Variants in DRICH1 observed in about 807,000 individuals in gnomAD.
The protein encoded by DRICH1 is aspartate rich 1, also known as aspartate-rich protein 1.
A neutral mutation model predicts 39.5 loss-of-function variants in DRICH1; 38 were observed. That is an observed-to-expected ratio of 0.96 (90% CI 0.74 to 1.26). DRICH1 has a LOEUF of 1.26. Among genes scored for constraint, DRICH1 ranks in the 50% most tolerant of loss-of-function variants. The pLI, the probability that DRICH1 is intolerant of heterozygous loss-of-function variation, is 0.00. For synonymous variants in DRICH1, 84 were observed against 99.5 expected, an observed-to-expected ratio of 0.84 and a Z score of 0.93; for missense variants, 279 against 270.4, an observed-to-expected ratio of 1.03 and a Z score of -0.22.
downstream of DRICH1, among the ~76,000 whole-genome samples, chr22:23,606,062 T>A (rs866393690): frequency 3.5e-4 from 51 of 147,712 alleles, no homozygotes; most frequent in East Asian, 7.9e-4. Flanking sequence ...AAAAAAAAAA[T>A]TTTTTTTTTT....
At chr22:23,608,149 C>G (rs560110524), downstream of DRICH1, 47 of 153,852 alleles carry the variant, frequency 3.1e-4, no homozygotes, top group South Asian at 8.4e-3. Context: ...GGTGGCCTGC[C>G]GAGAAGTAGG....
intron 1 of DRICH1, among the ~76,000 whole-genome samples, chr22:23,630,155 G>A (rs1928306132): frequency 6.6e-6 from 1 of 152,136 alleles, no homozygotes; most frequent in South Asian, 2.1e-4. Flanking sequence ...ATTGTTCCGT[G>A]TACCTTTTGC....
chr22:23,581,816 G>A, the DRICH1 span, among the ~76,000 whole-genome samples: 69 of 151,964 alleles, frequency 4.5e-4, no homozygotes, highest in African/African-American at 1.6e-3. Flanking sequence ...ATGTTGGCCA[G>A]GCTGGTCTCG....
chr22:23,621,414 C>T (rs899595755), intron 4 of DRICH1, among the ~76,000 whole-genome samples: 6 of 150,940 alleles, frequency 4.0e-5, no homozygotes, highest in African/African-American at 1.5e-4. Flanking sequence ...TGCAGTAAGA[C>T]AACCATAAAA....
downstream of DRICH1, among the ~76,000 whole-genome samples, chr22:23,604,026 C>A (rs1926604814): frequency 6.6e-6 from 1 of 152,160 alleles, no homozygotes; most frequent in Non-Finnish European, 1.5e-5. Context: ...TCCTGTTCCC[C>A]CTTCTCCTGA....
the DRICH1 span, among the ~76,000 whole-genome samples, chr22:23,603,265 C>T: frequency 6.6e-6 from 1 of 151,968 alleles, no homozygotes; most frequent in Non-Finnish European, 1.5e-5. Flanking sequence ...CCTCGGGCAG[C>T]CCCCGAGAAT....
chr22:23,626,393 A>C (rs1928067538), intron 1 of DRICH1, among the ~76,000 whole-genome samples: 2 of 152,228 alleles, frequency 1.3e-5, no homozygotes. Context: ...CAAACACAGC[A>C]CACAAAGCCC....
the DRICH1 span, among the ~76,000 whole-genome samples, chr22:23,592,876 AC>A: frequency 4.4e-3 from 634 of 144,968 alleles, 7 homozygotes; most frequent in African/African-American, 0.014. Flanking sequence ...ACACACACAC[AC>A]ACAAAATTAG....
chr22:23,603,342 T>C, the DRICH1 span, among the ~76,000 whole-genome samples: 9 of 150,852 alleles, frequency 6.0e-5, no homozygotes, highest in Non-Finnish European at 8.8e-5. Flanking sequence ...CACAGCAATC[T>C]GGGCCCCTGG....
At chr22:23,609,811 C>T (rs1926938124) in intron 11 of DRICH1, among the ~76,000 whole-genome samples, 1 of 152,202 alleles carries the variant, frequency 6.6e-6, no homozygotes, top group Non-Finnish European at 1.5e-5. Flanking sequence ...GCCATGAATA[C>T]TCCTTTTCTG....
At chr22:23,605,650 CT>C (rs372214176), downstream of DRICH1, among the ~76,000 whole-genome samples, 194 of 151,264 alleles carry the variant, frequency 1.3e-3, 5 homozygotes, top group South Asian at 0.04. Context: ...ATTCCCACCC[CT>C]GCCTCCATTC....
At chr22:23,623,965 TG>T in intron 3 of DRICH1, 1 of 611,506 alleles carries the variant, frequency 1.6e-6, no homozygotes, top group Non-Finnish European at 1.9e-6. Context: ...TGCTCAAGGT[TG>T]TGCTTCTCTC....
rs1424382696 is a variant in DRICH1 at position 23,614,001 on chromosome 22, T to C, written c.621+134A>G. ...AAGTTGGGAAGACACTCCTATGGAATTCCAGCCCCACAAAGAGAATAGTGT... is the reference window on the plus strand; with the variant it reads ...AAGTTGGGAAGACACTCCTATGGAACTCCAGCCCCACAAAGAGAATAGTGT... On this transcript the variant is annotated intron_variant, in intron 9 of 11. Transcript: ENST00000317749. 6.0e-6 allele frequency: 4 copies of C among 671,566 alleles called. No individual in the cohort carries two copies. In the East Asian group the frequency reaches 8.1e-5, roughly 14 times the overall value. 41.6% of individuals were successfully genotyped at this position (671,566 alleles called of 1,614,324 possible).
downstream of DRICH1, chr22:23,608,115 C>A (rs1261187926): frequency 6.5e-6 from 1 of 153,256 alleles, no homozygotes; most frequent in Non-Finnish European, 1.5e-5. Context: ...AGAGGCCCCC[C>A]CAGGCTGTTA....
the DRICH1 span, among the ~76,000 whole-genome samples, chr22:23,582,560 T>TATTATTA: frequency 1.3e-3 from 193 of 145,990 alleles, 1 homozygote; most frequent in African/African-American, 2.9e-3. Flanking sequence ...AGGGGCTTAT[T>TATTATTA]ATTATTATTA....
the DRICH1 span, among the ~76,000 whole-genome samples, chr22:23,599,586 G>C: frequency 6.6e-6 from 1 of 152,170 alleles, no homozygotes. Flanking sequence ...GATCCCTCAG[G>C]GTGCTTTTAT....
intron 8 of DRICH1, among the ~76,000 whole-genome samples, chr22:23,614,923 C>T (rs1927263753): frequency 6.6e-6 from 1 of 152,118 alleles, no homozygotes; most frequent in East Asian, 1.9e-4. Flanking sequence ...AGCTGAGAGA[C>T]GTGACTCTGA....
intron 6 of DRICH1, among the ~76,000 whole-genome samples, chr22:23,618,668 G>A (rs1927524438): frequency 6.6e-6 from 1 of 152,118 alleles, no homozygotes; most frequent in East Asian, 1.9e-4. Flanking sequence ...GTGAAGCTGA[G>A]AGAGGTGACT....
chr22:23,614,129 T>A lies in DRICH1; in HGVS notation c.621+6A>T, dbSNP rs777829816. Reference sequence around the variant, plus strand: ...GCTGTAGAAGACAAAAAAAGGGAGGTCTTACGTGGATGTCATCATCATCTT... The same window carrying A: ...GCTGTAGAAGACAAAAAAAGGGAGGACTTACGTGGATGTCATCATCATCTT... On this transcript the variant is annotated splice_donor_region_variant and intron_variant, in intron 9 of 11. Coordinates refer to ENST00000317749, the MANE Select transcript of DRICH1 (RefSeq NM_016449.4). The A allele has an allele frequency of 5.6e-6, 9 of 1,597,508 alleles. No homozygotes were observed. Among genetic ancestry groups the A allele is most frequent in the Non-Finnish European group, 7.7e-6 (9 of 1,165,730 alleles).
Sources: allele counts gnomAD v4.1 joint callset (sites outside exome capture counted in the v4.1 genomes callset), GRCh38; gene constraint gnomAD v4.1.1; transcripts MANE v1.5; gene names NCBI Gene and HGNC (gene_info 2026-07-23, HGNC 2026-07-21).